LIPA: variants seen among roughly 807,000 people sequenced by gnomAD.
LIPA encodes the protein lipase A, lysosomal acid type, also known as lysosomal acid lipase/cholesteryl ester hydrolase.
In LIPA, 26 loss-of-function variants were observed where a neutral mutation model predicts 40.6. That is an observed-to-expected ratio of 0.64 (90% confidence interval 0.47 to 0.89). The LOEUF is 0.89. Ranked by LOEUF, LIPA falls within the 40% of genes least tolerant of loss-of-function variation. The pLI is 0.00. For synonymous variants in LIPA, 188 were observed against 168.4 expected (o/e 1.12, Z -0.90); for missense variants, 455 against 479.6 (o/e 0.95, Z 0.48).
intron 1 of LIPA, chr10:89,328,135 A>T: frequency 6.5e-7 from 1 of 1,546,564 alleles, no homozygotes; most frequent in Non-Finnish European, 8.9e-7. Flanking sequence ...TTGTAAGTTG[A>T]GTTTCTTACT....
In LIPA at chr10:89,392,475, C is replaced by A. The variant is rs74506869; in HGVS notation, c.61+20316G>T. On this transcript the variant is annotated intron_variant, in intron 2 of 8. Coordinates refer to the LIPA transcript ENST00000371837. ...AGAAACAAAGTTTCATTCCCCACCC[C>A]CCCCCGTCAGCAGGAATTCCGCTAG... 36 of 242,470 alleles carry A rather than the reference C, an allele frequency of 1.5e-4. 2 individuals carry two copies. The highest frequency in any genetic ancestry group is 1.3e-3 in the East Asian group (10 of 7,928). The allele number at this position is 242,470 out of a possible 1,614,324, so 15.0% of individuals were successfully genotyped here.
At chr10:89,231,838 T>A (rs1333575471) in intron 3 of LIPA, among the ~76,000 whole-genome samples, 1 of 152,128 alleles carries the variant, frequency 6.6e-6, no homozygotes, top group Admixed American at 6.6e-5. Flanking sequence ...CTTCTACCCA[T>A]GGGGAGAAAA....
intron 2 of LIPA, among the ~76,000 whole-genome samples, chr10:89,351,074 G>T (rs1365604726): frequency 1.3e-5 from 2 of 152,174 alleles, no homozygotes; most frequent in African/African-American, 4.8e-5. Context: ...CCAGAACTTT[G>T]GGAGGCTGAA....
intron 1 of LIPA, among the ~76,000 whole-genome samples, chr10:89,334,190 C>T (rs914691384): frequency 1.3e-5 from 2 of 152,088 alleles, no homozygotes; most frequent in Non-Finnish European, 2.9e-5. Context: ...TGGTATCTAC[C>T]CTGGAGTCTG....
intron 2 of LIPA, chr10:89,392,500 G>T: frequency 3.9e-6 from 1 of 256,626 alleles, no homozygotes; most frequent in Non-Finnish European, 6.7e-6. Flanking sequence ...AATTCCGCTA[G>T]CTTTAGTTTC....
At chr10:89,282,385 C>A (rs997901902) in intron 1 of LIPA, among the ~76,000 whole-genome samples, 1 of 152,132 alleles carries the variant, frequency 6.6e-6, no homozygotes, top group African/African-American at 2.4e-5. Flanking sequence ...TGCGTGTAAT[C>A]TCAGCACTTT....
intron 3 of LIPA, among the ~76,000 whole-genome samples, chr10:89,239,937 C>G (rs1188880534): frequency 3.3e-5 from 5 of 152,220 alleles, no homozygotes; most frequent in African/African-American, 4.8e-5. Context: ...CTGCCCCTCT[C>G]TGCCACCACG....
intron 1 of LIPA, among the ~76,000 whole-genome samples, chr10:89,295,038 A>AAGGAAAGGAAAGGAAAGGAAAG (rs1843404893): frequency 6.7e-6 from 1 of 149,894 alleles, no homozygotes; most frequent in South Asian, 2.1e-4. Flanking sequence ...AAGGAAAGGA[A>AAGGAAAGGAAAGGAAAGGAAAG]AGGAAAGGAA....
At position 89,307,063 on chromosome 10, in the gene LIPA, G is replaced by A. The variant is rs374921431; in HGVS notation, c.-2+35548C>T. On this transcript the variant is annotated intron_variant, in intron 1 of 5. Coordinates refer to the LIPA transcript ENST00000282673. Reference sequence around the variant, plus strand: ...TCAGTAAAGAGCTTACTCCTGTAGCGAAACAACTGCTCCATCTGCGGTATG... The same window carrying A: ...TCAGTAAAGAGCTTACTCCTGTAGCAAAACAACTGCTCCATCTGCGGTATG... The A allele has an allele frequency of 4.6e-5, 75 of 1,613,922 alleles. No individual in the cohort carries two copies. The Middle Eastern group carries it at 1.2e-3, about 25-fold the overall frequency.
At chr10:89,324,777 G>A (rs1264754060) in intron 1 of LIPA, among the ~76,000 whole-genome samples, 1 of 152,080 alleles carries the variant, frequency 6.6e-6, no homozygotes, top group Admixed American at 6.6e-5. Flanking sequence ...AATATGTGGT[G>A]TTTGGTTTTC....
chr10:89,339,782 A>T, intron 1 of LIPA: 1 of 1,614,214 alleles, frequency 6.2e-7, no homozygotes, highest in Non-Finnish European at 8.5e-7. Flanking sequence ...AAGTCTGAAG[A>T]CACTGCTGTG....
chr10:89,252,153 TG>T (rs1193500724), upstream of LIPA: 3 of 152,262 alleles, frequency 2.0e-5, no homozygotes, highest in Non-Finnish European at 4.4e-5. Context: ...AGAGAGCATG[TG>T]GGCTCTATAA....
intron 2 of LIPA, chr10:89,383,720 T>A (rs764329251): frequency 9.9e-6 from 16 of 1,613,982 alleles, no homozygotes; most frequent in East Asian, 2.2e-5. Context: ...CGCTATAGAA[T>A]GGAGTGTCCA....
intron 3 of LIPA, among the ~76,000 whole-genome samples, chr10:89,245,159 C>A (rs2246941): frequency 0.38 from 57,664 of 151,888 alleles, 11,237 homozygotes; most frequent in South Asian, 0.53. Flanking sequence ...CTTTTGCATT[C>A]AAATGGAGGC....
intron 1 of LIPA, among the ~76,000 whole-genome samples, chr10:89,310,574 T>C (rs1225166048): frequency 1.3e-5 from 2 of 152,038 alleles, no homozygotes; most frequent in Admixed American, 6.6e-5. Context: ...AGCTACCTCA[T>C]TGCTGATTAT....
intron 1 of LIPA, among the ~76,000 whole-genome samples, chr10:89,319,268 C>T (rs1038325618): frequency 6.6e-6 from 1 of 152,030 alleles, no homozygotes; most frequent in Non-Finnish European, 1.5e-5. Flanking sequence ...TCAATGAATC[C>T]AGGAACTGAT....
intron 1 of LIPA, chr10:89,307,469 G>A: frequency 2.0e-6 from 2 of 1,003,228 alleles, no homozygotes; most frequent in Non-Finnish European, 3.0e-6. Context: ...GACTGGTATG[G>A]CAAAAGATTG....
At chr10:89,306,096 G>A (rs373422979) in intron 1 of LIPA, 9 of 1,613,980 alleles carry the variant, frequency 5.6e-6, no homozygotes, top group South Asian at 5.5e-5. Context: ...TTTCAGAATC[G>A]TGAATTCAAA....
At chr10:89,299,306 G>GA (rs570722299) in intron 1 of LIPA, among the ~76,000 whole-genome samples, 17 of 149,376 alleles carry the variant, frequency 1.1e-4, no homozygotes, top group Middle Eastern at 3.2e-3. Context: ...CGAAAATAAA[G>GA]AAAAAAAAAG....
Sources: gnomAD v4.1 joint callset for allele counts (sites outside exome capture counted in the v4.1 genomes callset) on GRCh38, gnomAD v4.1.1 for gene constraint, MANE v1.5 for transcripts, NCBI Gene and HGNC (gene_info 2026-07-23, HGNC 2026-07-21) for gene names.